The following CALML4 variants were observed in gnomAD, a reference collection of about 807,000 sequenced individuals.
CALML4 encodes the protein calmodulin-like protein 4.
CALML4 carries 16 observed loss-of-function variants against 17.9 expected under a neutral mutation model. The observed-to-expected ratio is 0.89, with a 90% CI of 0.61 to 1.36. The LOEUF (loss-of-function observed/expected upper bound fraction) is 1.36. CALML4 is among the 40% of genes most tolerant of loss of function. CALML4 has a pLI of 0.00. For synonymous variants in CALML4, 86 were observed against 71.5 expected (o/e 1.20, Z -1.02); for missense variants, 203 against 194.8 (o/e 1.04, Z -0.25).
At position 68,191,602 on chromosome 15, in the gene CALML4, A is replaced by G. The variant is rs2093120570; in HGVS notation, c.*2413T>C. ...ACAAGTAACTAACTAATTTTCTTGCAGCATGCTTTGAGGTAAGTAATGAAT... is the reference window on the plus strand; with the variant it reads ...ACAAGTAACTAACTAATTTTCTTGCGGCATGCTTTGAGGTAAGTAATGAAT... On this transcript the variant is annotated 3_prime_UTR_variant, in exon 5 of 5. Transcript: ENST00000467889. 6.5e-6 allele frequency: 1 copy of G among 152,674 alleles called. No individual in the cohort carries two copies. The highest frequency in any genetic ancestry group is 1.5e-5 in the Non-Finnish European group (1 of 68,044). 9.5% of individuals were successfully genotyped at this position (152,674 alleles called of 1,614,324 possible). A position where few individuals can be genotyped will look rare whatever the true frequency, so the allele number is the denominator to read the frequency against.
chr15:68,205,516 A>C, upstream of CALML4: 1 of 1,048,242 alleles, frequency 9.5e-7, no homozygotes, highest in Non-Finnish European at 1.4e-6. The surrounding 1 kb of genome is among the most constrained non-coding windows in gnomAD (Gnocchi z 4.8). Flanking sequence ...TGCCTCCAGA[A>C]GCCGAAGCAA....
At position 68,204,542 on chromosome 15, in the gene CALML4, C is replaced by A. The variant is rs1595814001; in HGVS notation, c.34+579G>T. 6.6e-6 allele frequency among the ~76,000 whole-genome samples: 1 copy of A among 152,290 alleles called. No homozygotes were observed. Among genetic ancestry groups the A allele is most frequent in the East Asian group, 1.9e-4 (1 of 5,182 alleles). On this transcript the variant is annotated intron_variant, in intron 2 of 4. Transcript: ENST00000467889. This position sits in a 1 kb window ranked among gnomAD's most constrained non-coding sequence, Gnocchi z 6.0. ...TTGTAACGCAACTCTTTGCTCTTGG[C>A]CTTCTGGAAATAGAACCCTGCACGG...
chr15:68,194,933 T>TA (rs35301423), intron 4 of CALML4, among the ~76,000 whole-genome samples: 66,714 of 134,540 alleles, frequency 0.5, 16,022 homozygotes, highest in Middle Eastern at 0.6. Context: ...CCATCACCTC[T>TA]AAAAAAAAAA....
intron 4 of CALML4, 124 bp from the exon 5 acceptor site, chr15:68,194,236 A>C: frequency 1.5e-6 from 1 of 661,456 alleles, no homozygotes; most frequent in East Asian, 2.7e-5. Context: ...ATTCCTGTAG[A>C]CCAGGAAGTA....
chr15:68,203,291 T>G (rs1389098083), intron 2 of CALML4, among the ~76,000 whole-genome samples: 1 of 152,224 alleles, frequency 6.6e-6, no homozygotes, highest in Non-Finnish European at 1.5e-5. Flanking sequence ...ACCTATAGTT[T>G]CGATTCAACC....
rs2093136774 is a variant in CALML4, at chr15:68,194,889, C to CA, written c.365-778dup. On this transcript the variant is annotated intron_variant, in intron 4 of 4. Transcript: ENST00000467889. ...CTCCTCACCACCTCTGCCCCCACCC[C>CA]AAGAGAGGACTTAGTGACAAGCACT... Among the ~76,000 whole-genome samples, 3 of 150,232 alleles carry CA rather than the reference C, an allele frequency of 2.0e-5. No homozygotes were observed. The South Asian group carries it at 6.3e-4, about 32-fold the overall frequency.
upstream of CALML4, chr15:68,205,612 C>T: frequency 1.8e-6 from 1 of 543,192 alleles, no homozygotes; most frequent in Non-Finnish European, 3.3e-6. This position sits in a 1 kb window ranked among gnomAD's most constrained non-coding sequence, Gnocchi z 4.8. Flanking sequence ...GGCGGGGATG[C>T]CATCAGGCCC....
chr15:68,193,941 A>T lies in CALML4; in HGVS notation c.*74T>A. 2 of 1,089,778 alleles carry T rather than the reference A, an allele frequency of 1.8e-6. No homozygotes were observed. The highest frequency in any genetic ancestry group is 2.8e-6 in the Non-Finnish European group (2 of 722,474). The allele number at this position is 1,089,778 out of a possible 1,614,324, so 67.5% of individuals were successfully genotyped here. ...CTGTGTTTGCCATCTCTCCCAAGTG[A>T]AAAGAACACTTTTTAAAAAAAATTA... On this transcript the variant is annotated 3_prime_UTR_variant, in exon 5 of 5. Transcript: ENST00000467889.
chr15:68,199,923 T>A (rs1286376855), intron 2 of CALML4: 1 of 366,712 alleles, frequency 2.7e-6, no homozygotes, highest in African/African-American at 2.1e-5. Flanking sequence ...ATAGGACATA[T>A]ACTTCTATTG....
intron 4 of CALML4, 56 bp from the exon 5 acceptor site, chr15:68,194,168 A>G (rs563833898): frequency 2.1e-6 from 3 of 1,457,270 alleles, no homozygotes; most frequent in South Asian, 2.3e-5. Flanking sequence ...ATTATAAAAC[A>G]GTGAGTTTTT....
Position 68,191,552 on chromosome 15 carries a change from T to C in CALML4, c.*2463A>G, listed in dbSNP as rs1181665185. ...TAATGGTTTGTGCTTCCAAAGCACC[T>C]TTCATCCAGAGATTTCAAAGCATGA... On this transcript the variant is annotated 3_prime_UTR_variant, in exon 5 of 5. Transcript: ENST00000467889. The C allele has an allele frequency of 2.0e-5, 3 of 152,688 alleles. No homozygotes were observed. The highest frequency in any genetic ancestry group is 7.2e-5 in the African/African-American group (3 of 41,470). 9.5% of individuals were successfully genotyped at this position (152,688 alleles called of 1,614,324 possible).
In CALML4 at chr15:68,193,688, G is replaced by A. The variant is rs1450386851; in HGVS notation, c.*327C>T. ...AGCTTGTGTGGGGGGGCTTTGAGGA[G>A]TGAAATGATTTGCCCAAAGTCACAG... On this transcript the variant is annotated 3_prime_UTR_variant, in exon 5 of 5. Transcript: ENST00000467889. The A allele has an allele frequency of 3.8e-6, 1 of 261,814 alleles. No individual in the cohort carries two copies. The highest frequency in any genetic ancestry group is 8.3e-5 in the East Asian group (1 of 11,978). 16.2% of individuals were successfully genotyped at this position (261,814 alleles called of 1,614,324 possible).
intron 4 of CALML4, among the ~76,000 whole-genome samples, chr15:68,194,432 G>A (rs2093134298): frequency 6.6e-6 from 1 of 151,000 alleles, no homozygotes; most frequent in African/African-American, 2.4e-5. Context: ...TGCCCAGGCT[G>A]GAGTGCAGTG....
In CALML4 at chr15:68,191,691, T is replaced by C. The variant is rs1400687369; in HGVS notation, c.*2324A>G. 1 of 152,518 alleles carries C rather than the reference T, an allele frequency of 6.6e-6. No homozygotes were observed. The highest frequency in any genetic ancestry group is 2.4e-5 in the African/African-American group (1 of 41,468). 9.4% of individuals were successfully genotyped at this position (152,518 alleles called of 1,614,324 possible). On this transcript the variant is annotated 3_prime_UTR_variant, in exon 5 of 5. Coordinates refer to ENST00000467889, the MANE Select transcript of CALML4 (RefSeq NM_033429.3). ...CTCTTTAATAAATCACAGCATCTGT[T>C]TAGTATCTGCAGTTTGAATGCTAAG...
In CALML4 at chr15:68,205,040, C is replaced by A. The variant is rs1427398117; in HGVS notation, c.34+81G>T. 1 of 1,538,824 alleles carries A rather than the reference C, an allele frequency of 6.5e-7. No individual in the cohort carries two copies. ...CTCCCACAGCCACCTTCCTTCCCACCAAGAAAACATGAGCAGAGCAAATTG... is the reference window on the plus strand; with the variant it reads ...CTCCCACAGCCACCTTCCTTCCCACAAAGAAAACATGAGCAGAGCAAATTG... On this transcript the variant is annotated intron_variant, in intron 2 of 4. Transcript: ENST00000467889. This position sits in a 1 kb window ranked among gnomAD's most constrained non-coding sequence, Gnocchi z 4.8.
upstream of CALML4, chr15:68,205,745 C>T (rs1474363867): frequency 3.7e-6 from 1 of 268,428 alleles, no homozygotes; most frequent in East Asian, 8.5e-5. This position sits in a 1 kb window ranked among gnomAD's most constrained non-coding sequence, Gnocchi z 4.8. Context: ...GGCTCGCAGG[C>T]TTGGGGCTCG....
At position 68,191,286 on chromosome 15, in the gene CALML4, T is replaced by G. The variant is rs2093118660; in HGVS notation, c.*2729A>C. On this transcript the variant is annotated 3_prime_UTR_variant, in exon 5 of 5. Coordinates refer to ENST00000467889, the MANE Select transcript of CALML4 (RefSeq NM_033429.3). ...AAAACTTTCTCTCTTAGAATTTCCA[T>G]ACCGCATGCCAAACCAGTAAAATGG... is the stretch of plus-strand genomic sequence containing the variant. 1 of 152,670 alleles carries G rather than the reference T, an allele frequency of 6.6e-6. No individual in the cohort carries two copies. The allele number at this position is 152,670 out of a possible 1,614,324, so 9.5% of individuals were successfully genotyped here.
chr15:68,200,213 C>T lies in CALML4; in HGVS notation c.35-532G>A, dbSNP rs1165347773. Among the ~76,000 whole-genome samples, 1 of 152,204 alleles carries T rather than the reference C, an allele frequency of 6.6e-6. No homozygotes were observed. The highest frequency in any genetic ancestry group is 2.4e-5 in the African/African-American group (1 of 41,454). ...CAGGATTACTGTGAGAGCCAGAAAT[C>T]CCAGGAGGCCTGCCAGAGAGTGGCC... On this transcript the variant is annotated intron_variant, in intron 2 of 4. Coordinates refer to ENST00000467889, the MANE Select transcript of CALML4 (RefSeq NM_033429.3). This position sits in a 1 kb window ranked among gnomAD's most constrained non-coding sequence, Gnocchi z 4.3.
intron 3 of CALML4, among the ~76,000 whole-genome samples, chr15:68,199,211 G>A (rs1778416470): frequency 6.6e-6 from 1 of 151,990 alleles, no homozygotes; most frequent in Non-Finnish European, 1.5e-5. Context: ...TAGGGTTTTT[G>A]GAGCTAAGCA....
Sources: gnomAD v4.1 joint callset for allele counts (sites outside exome capture counted in the v4.1 genomes callset) on GRCh38, gnomAD v4.1.1 for gene constraint, Gnocchi (gnomAD v3.1) non-coding constraint, MANE v1.5 for transcripts, NCBI Gene and HGNC (gene_info 2026-07-23, HGNC 2026-07-21) for gene names.